The following ANKDD1B variants were observed in gnomAD, a reference collection of about 807,000 sequenced individuals.
The protein encoded by ANKDD1B is ankyrin repeat and death domain containing 1B.
ANKDD1B carries 57 observed loss-of-function variants against 59.7 expected under a neutral mutation model. The observed-to-expected ratio is 0.95, with a 90% confidence interval of 0.77 to 1.19. The LOEUF (loss-of-function observed/expected upper bound fraction) is 1.19, where lower values mean the gene tolerates loss of function less well. ANKDD1B is among the 50% of genes most tolerant of loss of function. The pLI, the probability that ANKDD1B is intolerant of heterozygous loss-of-function variation, is 0.00. For missense variants in ANKDD1B, 602 were observed against 641.9 expected (o/e 0.94, Z 0.67); for synonymous variants, 216 against 239.5 (o/e 0.90, Z 0.91).
At chr5:75,617,487 A>T (rs1034100938) in intron 2 of ANKDD1B, among the ~76,000 whole-genome samples, 1 of 152,014 alleles carries the variant, frequency 6.6e-6, no homozygotes, top group African/African-American at 2.4e-5. Flanking sequence ...ATAAATTTGG[A>T]TTCTTTACTG....
intron 7 of ANKDD1B, among the ~76,000 whole-genome samples, chr5:75,636,182 A>G (rs1398552310): frequency 1.3e-5 from 2 of 152,234 alleles, no homozygotes; most frequent in African/African-American, 4.8e-5. Context: ...CAAATAATGT[A>G]TTGGGCTACA....
chr5:75,633,822 G>A (rs253393), intron 5 of ANKDD1B, among the ~76,000 whole-genome samples: 101,645 of 152,066 alleles, frequency 0.67, 35,039 homozygotes, highest in Middle Eastern at 0.78. Context: ...TTTGTGTCAT[G>A]AGGGTGGATC....
intron 13 of ANKDD1B, among the ~76,000 whole-genome samples, chr5:75,669,639 G>A (rs1288645125): frequency 1.3e-5 from 2 of 152,056 alleles, no homozygotes; most frequent in Admixed American, 1.3e-4. Context: ...GTGTGGGAGT[G>A]TTTTTGTTTA....
chr5:75,669,674 G>A (rs530383262), intron 13 of ANKDD1B, among the ~76,000 whole-genome samples: 9 of 152,308 alleles, frequency 5.9e-5, no homozygotes, highest in African/African-American at 1.9e-4. Flanking sequence ...GGGGGCAGGT[G>A]GGGTGGGGCA....
intron 10 of ANKDD1B, among the ~76,000 whole-genome samples, chr5:75,660,229 C>T (rs998112845): frequency 1.3e-5 from 2 of 152,166 alleles, no homozygotes; most frequent in African/African-American, 4.8e-5. Flanking sequence ...TGAAACTTTA[C>T]ACTTATTCAA....
At chr5:75,615,952 G>C (rs1249271440) in intron 1 of ANKDD1B, among the ~76,000 whole-genome samples, 2 of 152,076 alleles carry the variant, frequency 1.3e-5, no homozygotes, top group African/African-American at 4.8e-5. Flanking sequence ...AAAGGTCTTT[G>C]CTTCGGCAAA....
intron 7 of ANKDD1B, among the ~76,000 whole-genome samples, chr5:75,637,648 G>A (rs1433172191): frequency 4.6e-5 from 7 of 152,086 alleles, no homozygotes; most frequent in Non-Finnish European, 8.8e-5. Context: ...CTGCCTATTT[G>A]AAGATGTGTT....
In ANKDD1B at chr5:75,653,214, A is replaced by G. The variant is rs1423986591; in HGVS notation, c.871A>G (p.Asn291Asp). ...ASLVNFLLSE[N>D]VDLHQKVEPK... ...CCTTGTCAACTTTCTTCTCAGTGAG[A>G]ACGTTGATCTGCACCAGAAAGTGGA... Residue 291 changes from asparagine (N) to aspartate (D), a missense_variant, in exon 8 of 14, where the codon AAC (asparagine) becomes GAC (aspartate). Physicochemically the swap from Asn to Asp is conservative, Grantham distance 23. This residue lies in a region of ANKDD1B where 280 missense variants were observed against 319.8 expected (regional missense o/e 0.88). Transcript: ENST00000601380. 3.3e-6 allele frequency: 5 copies of G among 1,536,086 alleles called. No individual in the cohort carries two copies. The highest frequency in any genetic ancestry group is 4.4e-6 in the Non-Finnish European group (5 of 1,146,860).
Position 75,611,682 on chromosome 5 carries a change from G to A in ANKDD1B, c.48G>A (p.Gly16=), listed in dbSNP as rs1773560436. The part of the protein sequence containing the change: ...RARGQGATAG[G]LLLRAAAAAK... ...GGGGCCAAGGGGCCACGGCAGGGGG[G>A]CTGCTGCTCCGGGCTGCTGCGGCCG... Residue 16 remains glycine (G), a synonymous_variant, in exon 1 of 14, where the codon GGG becomes GGA. Coordinates refer to ENST00000601380, the MANE Select transcript of ANKDD1B (RefSeq NM_001276713.2). The A allele has an allele frequency of 2.4e-6, 3 of 1,227,416 alleles. No individual in the cohort carries two copies. The highest frequency in any genetic ancestry group is 3.0e-6 in the Non-Finnish European group (3 of 987,996). 76.0% of individuals were successfully genotyped at this position (1,227,416 alleles called of 1,614,324 possible).
chr5:75,630,413 T>G (rs1774117866), intron 5 of ANKDD1B, among the ~76,000 whole-genome samples: 1 of 152,244 alleles, frequency 6.6e-6, no homozygotes, highest in African/African-American at 2.4e-5. Flanking sequence ...TTACATCTTT[T>G]TCCTGGACGA....
rs766477908 is a variant in ANKDD1B at position 75,620,531 on chromosome 5, C to T, written c.396+118C>T. ...ACAAAATATTTTAATTGGCAGTGTT[C>T]GTTTTGGAAAGGTCTCTTCATAGAG... On this transcript the variant is annotated intron_variant, in intron 3 of 13. Transcript: ENST00000601380. The T allele has an allele frequency of 2.1e-4, 129 of 609,358 alleles. 1 individual carries two copies. The highest frequency in any genetic ancestry group is 2.9e-4 in the Non-Finnish European group (103 of 352,334). 37.7% of individuals were successfully genotyped at this position (609,358 alleles called of 1,614,324 possible).
chr5:75,663,621 C>A, intron 11 of ANKDD1B, 132 bp downstream of exon 11: 1 of 730,090 alleles, frequency 1.4e-6, no homozygotes, highest in Non-Finnish European at 2.3e-6. Flanking sequence ...TATAACTGTC[C>A]CTTCTGTCTT....
At position 75,671,694 on chromosome 5, in the gene ANKDD1B, A is replaced by AC. The variant is rs1274983886; in HGVS notation, c.*656dup. 7.3e-6 allele frequency: 1 copy of AC among 137,472 alleles called. No homozygotes were observed. The allele number at this position is 137,472 out of a possible 1,614,324, so 8.5% of individuals were successfully genotyped here. ...CTTAGGAAAGACCAGAAGTATGTAC[A>AC]CCATTTTTTTTTTTTTTTAAATCTC... is the stretch of plus-strand genomic sequence containing the variant. On this transcript the variant is annotated 3_prime_UTR_variant, in exon 14 of 14. Transcript: ENST00000601380.
intron 5 of ANKDD1B, among the ~76,000 whole-genome samples, chr5:75,633,059 A>G (rs890683891): frequency 1.3e-5 from 2 of 152,194 alleles, no homozygotes; most frequent in Non-Finnish European, 2.9e-5. Flanking sequence ...GCAGATATTG[A>G]TATATCAAAC....
At chr5:75,620,486 C>T in intron 3 of ANKDD1B, 73 bp downstream of exon 3, 1 of 812,236 alleles carries the variant, frequency 1.2e-6, no homozygotes, top group Non-Finnish European at 1.9e-6. Flanking sequence ...TCCAGTTAGA[C>T]ATCTTTTCTT....
At chr5:75,653,093 C>G (rs1030099298) in intron 7 of ANKDD1B, 49 bp from the exon 8 acceptor site, 1 of 1,278,520 alleles carries the variant, frequency 7.8e-7, no homozygotes, top group African/African-American at 1.5e-5. Flanking sequence ...AGAAAACATG[C>G]TGAATTATAA....
intron 7 of ANKDD1B, among the ~76,000 whole-genome samples, chr5:75,639,621 A>T (rs1774411100): frequency 6.6e-6 from 1 of 152,180 alleles, no homozygotes; most frequent in Non-Finnish European, 1.5e-5. Context: ...TGTTAACATG[A>T]TTGTTTATAC....
chr5:75,633,788 G>A (rs1311322472), intron 5 of ANKDD1B, among the ~76,000 whole-genome samples: 1 of 152,204 alleles, frequency 6.6e-6, no homozygotes, highest in Non-Finnish European at 1.5e-5. Context: ...GGTGGTGGTA[G>A]GAGGTGGGAC....
intron 11 of ANKDD1B, among the ~76,000 whole-genome samples, chr5:75,665,126 T>G (rs1775273271): frequency 6.6e-6 from 1 of 152,218 alleles, no homozygotes; most frequent in Admixed American, 6.5e-5. Context: ...TCCTAAAACC[T>G]GGCTTATGTT....
Sources: allele counts gnomAD v4.1 joint callset (sites outside exome capture counted in the v4.1 genomes callset), GRCh38; gene constraint gnomAD v4.1.1; regional missense constraint gnomAD v4.1.1; transcripts MANE v1.5; gene names NCBI Gene and HGNC (gene_info 2026-07-23, HGNC 2026-07-21).